Variants in AMPH observed in about 807,000 individuals in gnomAD.
The protein encoded by AMPH is amphiphysin.
AMPH carries 49 observed loss-of-function variants against 99.1 expected under a neutral mutation model. The ratio of observed to expected loss-of-function variants is 0.49; its 90% CI spans 0.39 to 0.63. The LOEUF is 0.63. Among genes scored for constraint, AMPH ranks in the 20% least tolerant of loss-of-function variants. The pLI, the probability that AMPH is intolerant of heterozygous loss-of-function variation, is 0.00. For missense variants in AMPH, 759 were observed against 863.4 expected, an observed-to-expected ratio of 0.88 and a Z score of 1.52; for synonymous variants, 314 against 317.3, an observed-to-expected ratio of 0.99 and a Z score of 0.11.
At chr7:38,428,583 G>T in intron 14 of AMPH, 2 of 456,680 alleles carry the variant, frequency 4.4e-6, no homozygotes, top group Middle Eastern at 6.5e-4. Flanking sequence ...ATGGTTGGGA[G>T]TGTCTATTGC....
At chr7:38,573,475 C>A (rs1792123413) in intron 1 of AMPH, among the ~76,000 whole-genome samples, 1 of 152,154 alleles carries the variant, frequency 6.6e-6, no homozygotes, top group Non-Finnish European at 1.5e-5. Flanking sequence ...AAGGTGTGAG[C>A]TTTGGTGTCA....
chr7:38,541,660 CAAG>C (rs1400647017), intron 1 of AMPH, among the ~76,000 whole-genome samples: 2 of 152,158 alleles, frequency 1.3e-5, no homozygotes, highest in Non-Finnish European at 2.9e-5. Flanking sequence ...GGAAAGTAAA[CAAG>C]AATAGATAAG....
At chr7:38,582,140 A>T (rs1426049196) in intron 1 of AMPH, among the ~76,000 whole-genome samples, 2 of 152,224 alleles carry the variant, frequency 1.3e-5, no homozygotes, top group Non-Finnish European at 2.9e-5. Context: ...GGAAACTCCA[A>T]CATTAAGAAG....
chr7:38,405,048 C>T (rs912456220), intron 17 of AMPH, among the ~76,000 whole-genome samples: 1 of 151,958 alleles, frequency 6.6e-6, no homozygotes, highest in Admixed American at 6.6e-5. Context: ...AGATTCGGGG[C>T]CTATTTTTAG....
intron 16 of AMPH, 113 bp downstream of exon 16, chr7:38,422,308 A>G (rs1785606713): frequency 2.3e-6 from 2 of 854,622 alleles, no homozygotes; most frequent in South Asian, 3.4e-5. Flanking sequence ...AAAGTACAGG[A>G]TCCAGAAACC....
intron 20 of AMPH, 64 bp from the exon 21 acceptor site, chr7:38,384,989 T>A: frequency 7.3e-7 from 1 of 1,376,934 alleles, no homozygotes; most frequent in African/African-American, 1.4e-5. Flanking sequence ...ACTGCCACAA[T>A]TAATTAATAA....
At chr7:38,450,707 T>C (rs879372905) in intron 11 of AMPH, among the ~76,000 whole-genome samples, 1 of 152,156 alleles carries the variant, frequency 6.6e-6, no homozygotes, top group Admixed American at 6.5e-5. Context: ...ATTTCACTTA[T>C]GGAAACCCCT....
chr7:38,609,447 T>A (rs1793549672), intron 1 of AMPH, among the ~76,000 whole-genome samples: 1 of 152,130 alleles, frequency 6.6e-6, no homozygotes, highest in South Asian at 2.1e-4. Context: ...GCTGAAGCAC[T>A]TTAGGCATTT....
intron 1 of AMPH, among the ~76,000 whole-genome samples, chr7:38,622,545 C>A (rs1211872342): frequency 1.3e-5 from 2 of 151,760 alleles, no homozygotes; most frequent in Non-Finnish European, 2.9e-5. Flanking sequence ...GGAATGGATA[C>A]CAGAGGTCCT....
chr7:38,408,750 C>CA lies in AMPH; in HGVS notation c.1398+9074dup, dbSNP rs66957354. On this transcript the variant is annotated intron_variant, in intron 17 of 20. Transcript: ENST00000356264. ...TGGGTGACAGAGCGAGACTCCATCACAAAAAAAAAAAAAAAAAAAGAATTT... is the reference window on the plus strand; with the variant it reads ...TGGGTGACAGAGCGAGACTCCATCACAAAAAAAAAAAAAAAAAAAAGAATTT... Among the ~76,000 whole-genome samples the CA allele has an allele frequency of 4.5e-3, 450 of 100,692 alleles. 2 individuals carry two copies. Among genetic ancestry groups the CA allele is most frequent in the Admixed American group, 7.0e-3 (70 of 9,948 alleles). The allele number at this position is 100,692 out of a possible 152,430, so 66.1% of individuals were successfully genotyped here. A position where few individuals can be genotyped will look rare whatever the true frequency, so the allele number is the denominator to read the frequency against.
chr7:38,418,059 A>G, intron 16 of AMPH, 109 bp from the exon 17 acceptor site: 1 of 1,277,536 alleles, frequency 7.8e-7, no homozygotes, highest in South Asian at 1.6e-5. Flanking sequence ...ATAGGCAACT[A>G]GCTTCATGAA....
chr7:38,557,256 T>A (rs1225047729), intron 1 of AMPH, among the ~76,000 whole-genome samples: 2 of 152,236 alleles, frequency 1.3e-5, no homozygotes, highest in African/African-American at 2.4e-5. Flanking sequence ...ATAGTAGTTA[T>A]CACAGCCATG....
At position 38,417,832 on chromosome 7, in the gene AMPH, T is replaced by G. The variant is rs759911669; in HGVS notation, c.1391A>C (p.Glu464Ala). ...MDTRAEEPVE[E>A]AVIIPGADAD... is the part of the protein sequence containing the mutation. ...GAGGGAGGTGGTGCTCACCACTGCCTCCTCCACTGGCTCCTCAGCCCGAGT... is the reference window on the plus strand; with the variant it reads ...GAGGGAGGTGGTGCTCACCACTGCCGCCTCCACTGGCTCCTCAGCCCGAGT... Residue 464 changes from glutamate (E) to alanine (A), a missense_variant, in exon 17 of 21, where the codon GAG becomes GCG. Transcript: ENST00000356264. The G allele has an allele frequency of 1.9e-6, 3 of 1,613,886 alleles. No individual in the cohort carries two copies. The highest frequency in any genetic ancestry group is 2.5e-6 in the Non-Finnish European group (3 of 1,179,890).
At chr7:38,526,433 CTTTTTTT>C (rs33974810) in intron 2 of AMPH, among the ~76,000 whole-genome samples, 6 of 72,566 alleles carry the variant, frequency 8.3e-5, no homozygotes, top group Non-Finnish European at 1.4e-4. Context: ...CCATGCCCGG[CTTTTTTT>C]TTTTTTTTTT....
rs746489891 is a variant in AMPH at position 38,466,223 on chromosome 7, A to G, written c.616T>C (p.Phe206Leu). 7.5e-6 allele frequency: 12 copies of G among 1,595,882 alleles called. No individual in the cohort carries two copies. The highest frequency in any genetic ancestry group is 1.4e-5 in the African/African-American group (1 of 73,064). ...GCTTCAAGGCTGGAGACGTTTTTGA[A>G]AGTATTAACATAAAATCCAACTCGT... ...SRRVGFYVNT[F>L]KNVSSLEAKF... Residue 206 changes from phenylalanine to leucine, a missense_variant, in exon 8 of 21, where the codon TTC becomes CTC. Physicochemically the swap from Phe to Leu is conservative, Grantham distance 22. Coordinates refer to ENST00000356264, the MANE Select transcript of AMPH (RefSeq NM_001635.4).
intron 3 of AMPH, among the ~76,000 whole-genome samples, chr7:38,496,672 G>GTCCAAATT (rs1349176106): frequency 6.6e-6 from 1 of 152,098 alleles, no homozygotes; most frequent in Non-Finnish European, 1.5e-5. Context: ...TATGCCAAGT[G>GTCCAAATT]TCCAAATTCA....
At chr7:38,542,927 C>G (rs1449414723) in intron 1 of AMPH, among the ~76,000 whole-genome samples, 1 of 152,098 alleles carries the variant, frequency 6.6e-6, no homozygotes, top group Non-Finnish European at 1.5e-5. Flanking sequence ...AACCCTGTCT[C>G]TACTAAAAAT....
At chr7:38,603,923 A>G (rs1335111057) in intron 1 of AMPH, among the ~76,000 whole-genome samples, 1 of 152,260 alleles carries the variant, frequency 6.6e-6, no homozygotes, top group Admixed American at 6.5e-5. Context: ...TCTGACAAAC[A>G]TGTGACTGTG....
intron 17 of AMPH, among the ~76,000 whole-genome samples, chr7:38,398,196 CA>C (rs1315594490): frequency 1.9e-4 from 16 of 83,934 alleles, no homozygotes; most frequent in East Asian, 4.8e-4. Flanking sequence ...AAAAAAAAAA[CA>C]AAAAAAAAAG....
Sources: gnomAD v4.1 joint callset for allele counts (sites outside exome capture counted in the v4.1 genomes callset) on GRCh38, gnomAD v4.1.1 for gene constraint, MANE v1.5 for transcripts, NCBI Gene and HGNC (gene_info 2026-07-23, HGNC 2026-07-21) for gene names.